The following MED12L variants were observed in gnomAD, a reference collection of about 807,000 sequenced individuals.
MED12L encodes mediator of RNA polymerase II transcription subunit 12-like protein.
Under a neutral mutation model 281.3 loss-of-function variants are expected in MED12L, and 60 were observed. The ratio of observed to expected loss-of-function variants is 0.21; its 90% CI spans 0.17 to 0.26. MED12L has a LOEUF of 0.26. MED12L is among the 10% of genes least tolerant of loss of function. The pLI is 1.00. For missense variants in MED12L, 2,146 were observed against 2,680.9 expected, an observed-to-expected ratio of 0.80 and a Z score of 4.41; for synonymous variants, 974 against 987.2, an observed-to-expected ratio of 0.99 and a Z score of 0.25.
chr3:151,389,010 G>A (rs569263277), intron 37 of MED12L, among the ~76,000 whole-genome samples: 1 of 152,154 alleles, frequency 6.6e-6, no homozygotes, highest in Non-Finnish European at 1.5e-5. Flanking sequence ...ACCTATGTGA[G>A]AACTAAAATA....
Position 151,086,861 on chromosome 3 carries a change from C to G in MED12L, c.-66C>G. 7.6e-7 allele frequency: 1 copy of G among 1,322,222 alleles called. No individual in the cohort carries two copies. Among genetic ancestry groups the G allele is most frequent in the Non-Finnish European group, 1.0e-6 (1 of 955,364 alleles). The allele number at this position is 1,322,222 out of a possible 1,614,324, so 81.9% of individuals were successfully genotyped here. On this transcript the variant is annotated 5_prime_UTR_variant, in exon 2 of 45. Transcript: ENST00000687756. Reference sequence around the variant, plus strand: ...GAGTCTGTCTGCAAAGTGCTGCTCCCTGGTGCTCAGAGGCGGCTGCTCCAG... The same window carrying G: ...GAGTCTGTCTGCAAAGTGCTGCTCCGTGGTGCTCAGAGGCGGCTGCTCCAG...
At chr3:151,365,233 G>A in intron 22 of MED12L, 27 bp downstream of exon 22, 1 of 1,580,340 alleles carries the variant, frequency 6.3e-7, no homozygotes, top group Non-Finnish European at 8.7e-7. Context: ...TGGAATTCAT[G>A]ATTAACCAAA....
chr3:151,147,469 G>A (rs779512038), intron 5 of MED12L, among the ~76,000 whole-genome samples: 1 of 152,170 alleles, frequency 6.6e-6, no homozygotes, highest in South Asian at 2.1e-4. Flanking sequence ...CCACATTTTA[G>A]AACATTTTCG....
chr3:151,387,200 G>GTTTTTTT (rs35222168), intron 36 of MED12L, among the ~76,000 whole-genome samples: 1 of 148,810 alleles, frequency 6.7e-6, no homozygotes, highest in African/African-American at 2.5e-5. Flanking sequence ...GAGGGTAACC[G>GTTTTTTT]TTTTTTTTTT....
chr3:151,331,146 G>A (rs1750306697), intron 16 of MED12L, among the ~76,000 whole-genome samples: 1 of 152,212 alleles, frequency 6.6e-6, no homozygotes, highest in Non-Finnish European at 1.5e-5. Flanking sequence ...TATGGAAATA[G>A]AGTCTCTTAA....
At chr3:151,354,137 T>A (rs1753625022) in intron 17 of MED12L, among the ~76,000 whole-genome samples, 1 of 47,772 alleles carries the variant, frequency 2.1e-5, no homozygotes, top group Non-Finnish European at 3.6e-5. Flanking sequence ...CGAGACTCCG[T>A]CTCAAAAAAA....
chr3:151,397,396 A>C (rs1186425072), intron 39 of MED12L, among the ~76,000 whole-genome samples: 2 of 152,248 alleles, frequency 1.3e-5, no homozygotes, highest in Non-Finnish European at 2.9e-5. Context: ...GTCACGATGT[A>C]CAGTGATCCT....
chr3:151,272,031 A>G (rs1741047339), intron 16 of MED12L, among the ~76,000 whole-genome samples: 1 of 152,262 alleles, frequency 6.6e-6, no homozygotes, highest in Admixed American at 6.5e-5. Flanking sequence ...AGTCAAAGGC[A>G]CAAAACTTGC....
At chr3:151,274,530 A>C (rs760958906) in intron 16 of MED12L, among the ~76,000 whole-genome samples, 18 of 152,146 alleles carry the variant, frequency 1.2e-4, no homozygotes, top group Non-Finnish European at 1.9e-4. Flanking sequence ...ACTAAAGGCC[A>C]CCTCCTAGGA....
chr3:151,256,216 T>A (rs1445228225), intron 16 of MED12L, among the ~76,000 whole-genome samples: 1 of 152,188 alleles, frequency 6.6e-6, no homozygotes, highest in Non-Finnish European at 1.5e-5. Flanking sequence ...TGGAAAGTAT[T>A]TTCAAATTAT....
intron 16 of MED12L, chr3:151,294,781 T>A: frequency 6.2e-7 from 1 of 1,614,184 alleles, no homozygotes; most frequent in Admixed American, 1.7e-5. Context: ...TCGTGAAGGT[T>A]ATGCTGTACA....
intron 2 of MED12L, among the ~76,000 whole-genome samples, chr3:151,112,239 G>A (rs559413004): frequency 3.3e-5 from 5 of 151,436 alleles, no homozygotes; most frequent in African/African-American, 1.2e-4. Flanking sequence ...ACTATGTTGT[G>A]CTAATGCTAG....
intron 11 of MED12L, among the ~76,000 whole-genome samples, chr3:151,183,441 C>T (rs887269691): frequency 6.6e-6 from 1 of 152,220 alleles, no homozygotes; most frequent in Admixed American, 6.5e-5. Context: ...CTTTCTCCTG[C>T]CTTTTCAGAA....
chr3:151,177,745 G>A (rs187052325), intron 11 of MED12L, among the ~76,000 whole-genome samples: 2 of 151,892 alleles, frequency 1.3e-5, no homozygotes, highest in Non-Finnish European at 2.9e-5. Flanking sequence ...GTTCCTGCTC[G>A]GCTTCCCAAA....
chr3:151,150,647 C>T (rs1411851389), intron 5 of MED12L, among the ~76,000 whole-genome samples: 1 of 152,232 alleles, frequency 6.6e-6, no homozygotes, highest in Non-Finnish European at 1.5e-5. Flanking sequence ...GCATCTTCTT[C>T]CAACAGAAGG....
At chr3:151,096,974 G>T (rs1405819287) in intron 2 of MED12L, among the ~76,000 whole-genome samples, 2 of 152,266 alleles carry the variant, frequency 1.3e-5, no homozygotes, top group Non-Finnish European at 2.9e-5. Context: ...GAGCTTGCCA[G>T]ATCTTGTGTG....
intron 38 of MED12L, among the ~76,000 whole-genome samples, chr3:151,392,583 G>A (rs1714408736): frequency 6.6e-6 from 1 of 151,112 alleles, no homozygotes; most frequent in Non-Finnish European, 1.5e-5. Context: ...ACAATCTAAA[G>A]TTACAAGACA....
intron 27 of MED12L, 57 bp downstream of exon 27, chr3:151,372,823 G>C: frequency 7.2e-7 from 1 of 1,392,830 alleles, no homozygotes; most frequent in Non-Finnish European, 1.0e-6. Flanking sequence ...TTTGGAGAGA[G>C]CTACTTACAC....
intron 16 of MED12L, chr3:151,340,793 C>T (rs973751491): frequency 3.3e-5 from 5 of 152,584 alleles, no homozygotes; most frequent in Non-Finnish European, 1.5e-5. Context: ...AAAAAGAGGG[C>T]TTCACAATCA....
Sources: allele counts gnomAD v4.1 joint callset (sites outside exome capture counted in the v4.1 genomes callset), GRCh38; gene constraint gnomAD v4.1.1; transcripts MANE v1.5; gene names NCBI Gene and HGNC (gene_info 2026-07-23, HGNC 2026-07-21).